The following NWD2 variants were observed in gnomAD, a reference collection of about 807,000 sequenced individuals.
The protein encoded by NWD2 is NACHT and WD repeat domain-containing protein 2.
Under a neutral mutation model 132.7 loss-of-function variants are expected in NWD2, and 37 were observed. The ratio of observed to expected loss-of-function variants is 0.28; its 90% CI spans 0.21 to 0.37. The LOEUF (loss-of-function observed/expected upper bound fraction) is 0.37. NWD2 is among the 10% of genes least tolerant of loss of function. NWD2 has a pLI of 1.00. For synonymous variants in NWD2, 705 were observed against 803.0 expected (o/e 0.88, Z 2.06); for missense variants, 1,592 against 2,122.4 (o/e 0.75, Z 4.91).
intron 1 of NWD2, among the ~76,000 whole-genome samples, chr4:37,247,670 C>T (rs1560376180): frequency 6.6e-6 from 1 of 151,806 alleles, no homozygotes; most frequent in Non-Finnish European, 1.5e-5. Context: ...AGTGCAGTGG[C>T]GCAATCTCGG....
intron 2 of NWD2, among the ~76,000 whole-genome samples, chr4:37,328,716 T>G (rs1719226888): frequency 6.6e-6 from 1 of 152,196 alleles, no homozygotes; most frequent in African/African-American, 2.4e-5. Context: ...CATGTGCATG[T>G]GTCTTTATGG....
chr4:37,307,040 A>AATGTTCTATG (rs1718724806), intron 1 of NWD2, among the ~76,000 whole-genome samples: 1 of 151,336 alleles, frequency 6.6e-6, no homozygotes, highest in South Asian at 2.1e-4. Context: ...AAAAAAAAAG[A>AATGTTCTATG]ATGTTCTATG....
intron 1 of NWD2, among the ~76,000 whole-genome samples, chr4:37,278,362 C>T (rs1275382329): frequency 6.6e-6 from 1 of 152,208 alleles, no homozygotes; most frequent in East Asian, 1.9e-4. Context: ...ATTATTATGT[C>T]CACGAAACAT....
intron 1 of NWD2, among the ~76,000 whole-genome samples, chr4:37,313,684 T>TTTTG (rs559932114): frequency 7.9e-5 from 12 of 151,022 alleles, no homozygotes; most frequent in East Asian, 1.9e-4. Context: ...TTGATGAGTT[T>TTTTG]TTTGTTTGTT....
chr4:37,295,218 T>G (rs1718450022), intron 1 of NWD2, among the ~76,000 whole-genome samples: 1 of 152,170 alleles, frequency 6.6e-6, no homozygotes, highest in Non-Finnish European at 1.5e-5. Context: ...TGTCCCAAGT[T>G]TTTATTTTTA....
At chr4:37,336,952 G>GAAAAAAAAAAAAAAAAAAAAA (rs11371327) in intron 2 of NWD2, among the ~76,000 whole-genome samples, 1 of 119,004 alleles carries the variant, frequency 8.4e-6, no homozygotes, top group Non-Finnish European at 1.7e-5. Context: ...CTCAAAAAAA[G>GAAAAAAAAAAAAAAAAAAAAA]AAAAAAAAAA....
At chr4:37,252,699 T>C (rs1717402266) in intron 1 of NWD2, among the ~76,000 whole-genome samples, 1 of 152,192 alleles carries the variant, frequency 6.6e-6, no homozygotes, top group Non-Finnish European at 1.5e-5. Flanking sequence ...CACCCAGTTC[T>C]CCTCCATGAG....
At chr4:37,317,695 A>C (rs766034302) in intron 1 of NWD2, among the ~76,000 whole-genome samples, 1 of 152,222 alleles carries the variant, frequency 6.6e-6, no homozygotes, top group Non-Finnish European at 1.5e-5. Context: ...AGATCTTTAA[A>C]ATGGTTATTT....
intron 3 of NWD2, among the ~76,000 whole-genome samples, chr4:37,376,178 T>C: frequency 6.6e-6 from 1 of 152,212 alleles, no homozygotes; most frequent in Non-Finnish European, 1.5e-5. Context: ...TATGAATACT[T>C]GTGAACCATC....
chr4:37,276,008 A>G lies in NWD2; in HGVS notation c.151+30790A>G, dbSNP rs182024138. 2.9e-3 allele frequency among the ~76,000 whole-genome samples: 445 copies of G among 152,072 alleles called. 1 individual carries two copies. The highest frequency in any genetic ancestry group is 0.027 in the Middle Eastern group (8 of 294). ...AACCATAAAAACCCTAGAAGAAAACATAGGCAATACCATTCAGGACATAGG... is the reference window on the plus strand; with the variant it reads ...AACCATAAAAACCCTAGAAGAAAACGTAGGCAATACCATTCAGGACATAGG... On this transcript the variant is annotated intron_variant, in intron 1 of 6. Transcript: ENST00000309447.
intron 3 of NWD2, among the ~76,000 whole-genome samples, chr4:37,418,210 T>A (rs1161831841): frequency 1.3e-5 from 2 of 152,062 alleles, no homozygotes; most frequent in African/African-American, 4.8e-5. Context: ...GAGCTCCCAA[T>A]GGCCAAAGCT....
At chr4:37,281,904 G>C (rs1280943997) in intron 1 of NWD2, among the ~76,000 whole-genome samples, 2 of 152,074 alleles carry the variant, frequency 1.3e-5, no homozygotes, top group Non-Finnish European at 2.9e-5. Flanking sequence ...TAACACTCTA[G>C]TATCTAAATT....
At chr4:37,338,412 G>A (rs2109293735) in intron 2 of NWD2, among the ~76,000 whole-genome samples, 1 of 152,284 alleles carries the variant, frequency 6.6e-6, no homozygotes, top group South Asian at 2.1e-4. Context: ...CTTTTTGAGA[G>A]GCTCGGCATC....
chr4:37,362,924 C>T (rs1300714799), intron 3 of NWD2, among the ~76,000 whole-genome samples: 1 of 152,092 alleles, frequency 6.6e-6, no homozygotes, highest in Non-Finnish European at 1.5e-5. Context: ...TGACCAATGT[C>T]TAATATCTAG....
In NWD2 at chr4:37,439,321, C is replaced by T; in HGVS notation, c.1227C>T (p.Ile409=). The T allele has an allele frequency of 6.5e-7, 1 of 1,547,126 alleles. No individual in the cohort carries two copies. The highest frequency in any genetic ancestry group is 8.7e-7 in the Non-Finnish European group (1 of 1,145,508). The change falls in exon 6 of 7, where the codon ATC becomes ATT. Residue 409 remains isoleucine, a synonymous_variant. Coordinates refer to ENST00000309447, the MANE Select transcript of NWD2 (RefSeq NM_001144990.2). This position sits in a 1 kb window ranked among gnomAD's most constrained non-coding sequence, Gnocchi z 4.5. Reference sequence around the variant, plus strand: ...TTCTTCCAAGCAAAGCTGGACACATCAACCCTCTTATTATATATGGTGGGC... The same window carrying T: ...TTCTTCCAAGCAAAGCTGGACACATTAACCCTCTTATTATATATGGTGGGC... ...NYILPSKAGH[I]NPLIIYGGPC...
intron 1 of NWD2, among the ~76,000 whole-genome samples, chr4:37,301,618 G>T (rs1001932459): frequency 3.3e-5 from 5 of 149,814 alleles, no homozygotes; most frequent in Middle Eastern, 7.0e-3. Context: ...TAATTTTAAT[G>T]TTTTTTTATT....
chr4:37,430,560 G>T lies in NWD2; in HGVS notation c.358-12G>T. ...GTGATACACTAAATTGAACTTTCTT[G>T]TTGATACACAGGGACTATTAGGTGA... On this transcript the variant is annotated splice_polypyrimidine_tract_variant and intron_variant, in intron 3 of 6. Transcript: ENST00000309447. 1.3e-6 allele frequency: 2 copies of T among 1,546,280 alleles called. No homozygotes were observed. The highest frequency in any genetic ancestry group is 1.8e-6 in the Non-Finnish European group (2 of 1,142,246).
At chr4:37,386,859 C>G (rs1008220014) in intron 3 of NWD2, among the ~76,000 whole-genome samples, 1 of 149,446 alleles carries the variant, frequency 6.7e-6, no homozygotes, top group African/African-American at 2.6e-5. Flanking sequence ...CCTCCCTCCT[C>G]TCTCTCGGTC....
chr4:37,254,139 C>A (rs1717460185), intron 1 of NWD2, among the ~76,000 whole-genome samples: 1 of 152,152 alleles, frequency 6.6e-6, no homozygotes, highest in South Asian at 2.1e-4. Flanking sequence ...ATCTGTACAA[C>A]CAACCGCCCA....
Sources: gnomAD v4.1 joint callset for allele counts (sites outside exome capture counted in the v4.1 genomes callset) on GRCh38, gnomAD v4.1.1 for gene constraint, Gnocchi (gnomAD v3.1) non-coding constraint, MANE v1.5 for transcripts, NCBI Gene and HGNC (gene_info 2026-07-23, HGNC 2026-07-21) for gene names.